Variants in ELSPBP1 observed in about 807,000 individuals in gnomAD.
The protein encoded by ELSPBP1 is epididymal sperm-binding protein 1.
In ELSPBP1, 38 loss-of-function variants were observed where a neutral mutation model predicts 33.3. The observed-to-expected ratio is 1.14, with a 90% CI of 0.88 to 1.50. The LOEUF (loss-of-function observed/expected upper bound fraction) is 1.50. ELSPBP1 is among the 40% of genes most tolerant of loss of function. The pLI, the probability that ELSPBP1 is intolerant of heterozygous loss-of-function variation, is 0.00. For missense variants in ELSPBP1, 267 were observed against 263.5 expected, an observed-to-expected ratio of 1.01 and a Z score of -0.09; for synonymous variants, 85 against 94.1, an observed-to-expected ratio of 0.90 and a Z score of 0.56.
intron 4 of ELSPBP1, among the ~76,000 whole-genome samples, chr19:48,017,417 C>T (rs576895880): frequency 6.6e-6 from 1 of 152,326 alleles, no homozygotes; most frequent in East Asian, 1.9e-4. Context: ...TAGTAGTTAA[C>T]CTAATCTTTC....
At chr19:48,013,076 C>T (rs139815110) in intron 2 of ELSPBP1, among the ~76,000 whole-genome samples, 3 of 152,218 alleles carry the variant, frequency 2.0e-5, no homozygotes, top group Non-Finnish European at 2.9e-5. Flanking sequence ...TTCTCTTTTG[C>T]GTAAGCAGAA....
intron 4 of ELSPBP1, among the ~76,000 whole-genome samples, chr19:48,018,264 A>C (rs1967163325): frequency 6.6e-6 from 1 of 152,158 alleles, no homozygotes; most frequent in Admixed American, 6.6e-5. Context: ...CACTTTTATT[A>C]TCTGCAAAAT....
At chr19:48,015,870 C>T (rs1268772231) in intron 3 of ELSPBP1, 23 bp from the exon 4 acceptor site, 10 of 1,588,342 alleles carry the variant, frequency 6.3e-6, no homozygotes, top group Middle Eastern at 1.7e-4. Flanking sequence ...AGTTAAGACA[C>T]TCACGAACTC....
rs56297495 is a variant in ELSPBP1 at position 48,003,886 on chromosome 19, C to CTTCTATTCTA, written c.-17-4700_-17-4691dup. ...TAACCCCTCCCGTGGCTTCTGGTTG[C>CTTCTATTCTA]TTCTATTCTATTCTATTCTATTCTA... On this transcript the variant is annotated intron_variant, in intron 1 of 6. Coordinates refer to ENST00000339841, the MANE Select transcript of ELSPBP1 (RefSeq NM_022142.5). Among the ~76,000 whole-genome samples the CTTCTATTCTA allele has an allele frequency of 6.4e-3, 731 of 114,270 alleles. 9 individuals carry two copies. The highest frequency in any genetic ancestry group is 9.5e-3 in the African/African-American group (274 of 28,706). The allele number at this position is 114,270 out of a possible 152,430, so 75.0% of individuals were successfully genotyped here. A position where few individuals can be genotyped will look rare whatever the true frequency, so the allele number is the denominator to read the frequency against.
chr19:48,003,425 A>G (rs1177744822), intron 1 of ELSPBP1, among the ~76,000 whole-genome samples: 1 of 152,168 alleles, frequency 6.6e-6, no homozygotes, highest in Non-Finnish European at 1.5e-5. Context: ...TAAAAGGCAG[A>G]TCGAGGGAGG....
chr19:48,008,335 T>A (rs879572036), intron 1 of ELSPBP1, among the ~76,000 whole-genome samples: 1 of 152,108 alleles, frequency 6.6e-6, no homozygotes, highest in Non-Finnish European at 1.5e-5. Flanking sequence ...TGGGCTCAAG[T>A]GATCCTCTTG....
In ELSPBP1 at chr19:48,022,257, C is replaced by G. The variant is rs780388434; in HGVS notation, c.602C>G (p.Ser201Ter). 13 of 1,613,830 alleles carry G rather than the reference C, an allele frequency of 8.1e-6. No individual in the cohort carries two copies. The African/African-American group carries it at 1.5e-4, about 18-fold the overall frequency. The change falls in exon 6 of 7, where the codon TCA (serine) becomes TGA (stop). Residue 201 changes from serine to a stop codon, truncating the protein, a stop_gained. Coordinates refer to ENST00000339841, the MANE Select transcript of ELSPBP1 (RefSeq NM_022142.5). LOFTEE classifies it high-confidence loss of function. ...TATTTTAACTGCACTAACGAAGGAT[C>G]AAAGGAGAACCTTGTGTGGTGTGCA... ...KNYFNCTNEG[S>*]KENLVWCATS...
chr19:48,019,976 T>C (rs1373017253), intron 5 of ELSPBP1, 99 bp downstream of exon 5: 1 of 1,314,866 alleles, frequency 7.6e-7, no homozygotes, highest in Admixed American at 2.5e-5. Context: ...AGGCACTGAG[T>C]TGGGCACTGA....
rs112077153 is a variant in ELSPBP1 at position 48,011,918 on chromosome 19, A to AG, written c.71-2253_71-2252insG. ...TAAATACCAAACAGTTCTGAGAAACAAGGTGAAAAATGCAATGAACTAACA... is the reference window on the plus strand; with the variant it reads ...TAAATACCAAACAGTTCTGAGAAACAGAGGTGAAAAATGCAATGAACTAACA... On this transcript the variant is annotated intron_variant, in intron 2 of 6. Transcript: ENST00000339841. The surrounding 1 kb of genome is among the most constrained non-coding windows in gnomAD (Gnocchi z 4.5). 0.17 allele frequency among the ~76,000 whole-genome samples: 25,438 copies of AG among 152,152 alleles called. 2,194 individuals carry two copies. The highest frequency in any genetic ancestry group is 0.23 in the South Asian group (1,095 of 4,818).
At chr19:47,998,986 C>T (rs1966940481) in intron 1 of ELSPBP1, among the ~76,000 whole-genome samples, 2 of 152,132 alleles carry the variant, frequency 1.3e-5, no homozygotes, top group Admixed American at 6.5e-5. Flanking sequence ...TGTGGCCCTC[C>T]CTTCTGTGCG....
At position 48,022,283 on chromosome 19, in the gene ELSPBP1, A is replaced by G. The variant is rs1166610436; in HGVS notation, c.628A>G (p.Thr210Ala). ...AAAGGAGAACCTTGTGTGGTGTGCAACTTCTTACAACTACGACCAAGACCA... is the reference window on the plus strand; with the variant it reads ...AAAGGAGAACCTTGTGTGGTGTGCAGCTTCTTACAACTACGACCAAGACCA... ...GSKENLVWCA[T>A]SYNYDQDHTW... The change falls in exon 6 of 7, where the codon ACT (threonine) becomes GCT (alanine). Residue 210 changes from threonine (T) to alanine (A), a missense_variant. Transcript: ENST00000339841. 2 of 1,613,498 alleles carry G rather than the reference A, an allele frequency of 1.2e-6. No homozygotes were observed. Among genetic ancestry groups the G allele is most frequent in the East Asian group, 2.2e-5 (1 of 44,862 alleles).
At chr19:47,999,452 G>T (rs1343321022) in intron 1 of ELSPBP1, among the ~76,000 whole-genome samples, 1 of 141,186 alleles carries the variant, frequency 7.1e-6, no homozygotes, top group African/African-American at 2.7e-5. Context: ...GCAGTGGTGT[G>T]ATCTCGGCTC....
In ELSPBP1 at chr19:48,000,650, C is replaced by T. The variant is rs376517703; in HGVS notation, c.-18+5839C>T. ...GAGCAGAAATTCGTATACAGGCTAC[C>T]CTTTTCCGAAGCCACAACCACTTAC... On this transcript the variant is annotated intron_variant, in intron 1 of 6. Coordinates refer to ENST00000339841, the MANE Select transcript of ELSPBP1 (RefSeq NM_022142.5). Among the ~76,000 whole-genome samples the T allele has an allele frequency of 4.6e-5, 7 of 152,208 alleles. No individual in the cohort carries two copies. The East Asian group carries it at 5.8e-4, about 13-fold the overall frequency.
intron 1 of ELSPBP1, among the ~76,000 whole-genome samples, chr19:48,003,213 AT>A (rs1966984101): frequency 6.6e-6 from 1 of 152,272 alleles, no homozygotes; most frequent in South Asian, 2.1e-4. Flanking sequence ...CCCCTAAAAT[AT>A]TTTCTATGAA....
chr19:47,995,585 T>C (rs1475036416), intron 1 of ELSPBP1, among the ~76,000 whole-genome samples: 2 of 152,188 alleles, frequency 1.3e-5, no homozygotes, highest in Admixed American at 1.3e-4. Flanking sequence ...AAGAGGTGTG[T>C]GTGTGCGCCT....
At chr19:47,995,759 T>A (rs1245380293) in intron 1 of ELSPBP1, among the ~76,000 whole-genome samples, 1 of 152,190 alleles carries the variant, frequency 6.6e-6, no homozygotes, top group African/African-American at 2.4e-5. Context: ...AGTTTAGGTT[T>A]TATCTCCACT....
chr19:48,007,610 G>A (rs534795596), intron 1 of ELSPBP1, among the ~76,000 whole-genome samples: 3 of 152,282 alleles, frequency 2.0e-5, no homozygotes, highest in East Asian at 3.9e-4. Flanking sequence ...GAAACGGCAC[G>A]AAGGAAAATA....
rs138117173 is a variant in ELSPBP1, at chr19:47,995,724, T to G, written c.-18+913T>G. Among the ~76,000 whole-genome samples the G allele has an allele frequency of 3.4e-3, 514 of 152,332 alleles. 4 individuals are homozygous for G. The highest frequency in any genetic ancestry group is 0.012 in the African/African-American group (487 of 41,572). Reference sequence around the variant, plus strand: ...GTGACTTTACAGCCCCATGTGTGCCTGTAATTATTCACAATGGCTTCTATA... The same window carrying G: ...GTGACTTTACAGCCCCATGTGTGCCGGTAATTATTCACAATGGCTTCTATA... On this transcript the variant is annotated intron_variant, in intron 1 of 6. Transcript: ENST00000339841.
At chr19:48,000,215 G>A (rs1050178456) in intron 1 of ELSPBP1, among the ~76,000 whole-genome samples, 1 of 45,516 alleles carries the variant, frequency 2.2e-5, no homozygotes, top group Non-Finnish European at 4.7e-5. Flanking sequence ...CACCCCGGCC[G>A]CCCCCCAAAA....
Sources: gnomAD v4.1 joint callset for allele counts (sites outside exome capture counted in the v4.1 genomes callset) on GRCh38, gnomAD v4.1.1 for gene constraint, Gnocchi (gnomAD v3.1) non-coding constraint, MANE v1.5 for transcripts, NCBI Gene and HGNC (gene_info 2026-07-23, HGNC 2026-07-21) for gene names.